Variants in CLDN10 observed in about 807,000 individuals in gnomAD.
CLDN10 encodes claudin-10.
Under a neutral mutation model 22.9 loss-of-function variants are expected in CLDN10, and 15 were observed. The ratio of observed to expected loss-of-function variants is 0.65; its 90% CI spans 0.44 to 1.01. The LOEUF (loss-of-function observed/expected upper bound fraction) is 1.01. CLDN10 is among the 50% of genes least tolerant of loss of function. The pLI, the probability that CLDN10 is intolerant of heterozygous loss-of-function variation, is 0.00. For synonymous variants in CLDN10, 114 were observed against 111.4 expected, an observed-to-expected ratio of 1.02 and a Z score of -0.15; for missense variants, 247 against 287.8, an observed-to-expected ratio of 0.86 and a Z score of 1.03.
upstream of CLDN10, among the ~76,000 whole-genome samples, chr13:95,551,446 GT>G (rs1248192419): frequency 6.6e-6 from 1 of 151,996 alleles, no homozygotes; most frequent in African/African-American, 2.4e-5. Context: ...TCCAATCTAA[GT>G]TTTGATGATT....
chr13:95,474,989 G>A (rs1410903793), intron 1 of CLDN10, among the ~76,000 whole-genome samples: 1 of 152,206 alleles, frequency 6.6e-6, no homozygotes, highest in African/African-American at 2.4e-5. Flanking sequence ...TCTTGGTGGA[G>A]AGGAGGGTTC....
At chr13:95,449,674 C>A (rs957253667) in intron 1 of CLDN10, among the ~76,000 whole-genome samples, 2 of 152,092 alleles carry the variant, frequency 1.3e-5, no homozygotes, top group African/African-American at 2.4e-5. Flanking sequence ...TCTAGGAATC[C>A]TCCTACTTTA....
intron 1 of CLDN10, among the ~76,000 whole-genome samples, chr13:95,449,765 G>A (rs2042415973): frequency 7.5e-6 from 1 of 132,976 alleles, no homozygotes; most frequent in Non-Finnish European, 1.7e-5. Flanking sequence ...TCTTTTTGAG[G>A]CAGAATCTTG....
intron 1 of CLDN10, among the ~76,000 whole-genome samples, chr13:95,534,870 G>A (rs2043383836): frequency 6.6e-6 from 1 of 152,052 alleles, no homozygotes; most frequent in African/African-American, 2.4e-5. Flanking sequence ...GGATGAATAA[G>A]AATCTGTGTT....
At chr13:95,525,078 C>T (rs912187760) in intron 1 of CLDN10, among the ~76,000 whole-genome samples, 5 of 152,124 alleles carry the variant, frequency 3.3e-5, no homozygotes, top group East Asian at 3.9e-4. Flanking sequence ...AGGCTGGTCT[C>T]GAACTCCCGA....
At position 95,567,951 on chromosome 13, in the gene CLDN10, A is replaced by C. The variant is rs190989602; in HGVS notation, c.464+7488A>C. Among the ~76,000 whole-genome samples, 102 of 152,226 alleles carry C rather than the reference A, an allele frequency of 6.7e-4. 1 individual carries two copies. Among genetic ancestry groups the C allele is most frequent in the Middle Eastern group, 3.4e-3 (1 of 294 alleles). On this transcript the variant is annotated intron_variant, in intron 3 of 4. Coordinates refer to ENST00000299339, the MANE Select transcript of CLDN10 (RefSeq NM_006984.5). ...TTGATTTGCATGTGAACAACTACCTACTTTCAGTCAAATTATCTCATTCTT... is the reference window on the plus strand; with the variant it reads ...TTGATTTGCATGTGAACAACTACCTCCTTTCAGTCAAATTATCTCATTCTT...
In CLDN10 at chr13:95,478,388, G is replaced by A. The variant is rs184183523; in HGVS notation, c.214+44341G>A. Among the ~76,000 whole-genome samples, 3 of 152,318 alleles carry A rather than the reference G, an allele frequency of 2.0e-5. No individual in the cohort carries two copies. In the East Asian group the frequency reaches 5.8e-4, roughly 29 times the overall value. On this transcript the variant is annotated intron_variant, in intron 1 of 4. Coordinates refer to the CLDN10 transcript ENST00000376873. ...AAACACTGGAGATTCAGATTTAATT[G>A]AGATAAGGCCAGGATGTAGAGCGTT...
intron 3 of CLDN10, among the ~76,000 whole-genome samples, chr13:95,563,209 GGAGAGAGAGAGAGA>G (rs71764554): frequency 6.8e-6 from 1 of 147,578 alleles, no homozygotes; most frequent in African/African-American, 2.5e-5. Context: ...AGTTAAGAGA[GGAGAGAGAGAGAGA>G]GAGAGAGAGA....
rs531953908 is a variant in CLDN10 at position 95,463,743 on chromosome 13, G to A, written c.214+29696G>A. 7.9e-5 allele frequency among the ~76,000 whole-genome samples: 12 copies of A among 152,144 alleles called. 1 individual carries two copies. The South Asian group carries it at 1.7e-3, about 21-fold the overall frequency. On this transcript the variant is annotated intron_variant, in intron 1 of 4. Coordinates refer to the CLDN10 transcript ENST00000376873. ...GGAAGTTCACTCTCTGCCTCCACAT[G>A]GACAACATCATCTCTTGGCAGTGAC...
intron 1 of CLDN10, among the ~76,000 whole-genome samples, chr13:95,465,370 C>T (rs939353869): frequency 8.5e-5 from 13 of 152,274 alleles, no homozygotes; most frequent in African/African-American, 3.1e-4. Context: ...ACAGGTGTAC[C>T]ATGCCCCGCT....
At chr13:95,485,533 C>T (rs1338363985) in intron 1 of CLDN10, among the ~76,000 whole-genome samples, 1 of 152,084 alleles carries the variant, frequency 6.6e-6, no homozygotes, top group African/African-American at 2.4e-5. Flanking sequence ...AGAATTCTAC[C>T]ATTCATCACT....
intron 3 of CLDN10, among the ~76,000 whole-genome samples, chr13:95,565,792 C>A (rs1350102771): frequency 1.4e-5 from 2 of 144,752 alleles, no homozygotes; most frequent in Non-Finnish European, 3.0e-5. Flanking sequence ...CACCCCCTGA[C>A]AGGCCCCAGT....
chr13:95,517,364 C>A (rs1414029142), intron 1 of CLDN10, among the ~76,000 whole-genome samples: 2 of 152,072 alleles, frequency 1.3e-5, no homozygotes, highest in Non-Finnish European at 2.9e-5. Flanking sequence ...GGGTAGACAC[C>A]CCCCGAACCT....
rs993081244 is a variant in CLDN10, at chr13:95,546,441, G to A, written c.215-13691G>A. ...TTTATTAAATAGTATCTATTGCATG[G>A]AATTGTTAAAAGGTACCAAGATCAG... On this transcript the variant is annotated intron_variant, in intron 1 of 4. Transcript: ENST00000376873. Among the ~76,000 whole-genome samples, 5 of 151,994 alleles carry A rather than the reference G, an allele frequency of 3.3e-5. No individual in the cohort carries two copies. The East Asian group carries it at 9.7e-4, about 29-fold the overall frequency.
intron 1 of CLDN10, among the ~76,000 whole-genome samples, chr13:95,545,160 C>T (rs749396234): frequency 1.3e-5 from 2 of 152,030 alleles, no homozygotes; most frequent in South Asian, 4.1e-4. Context: ...CAGATTTATA[C>T]ATTTTTGAAA....
intron 1 of CLDN10, among the ~76,000 whole-genome samples, chr13:95,489,278 A>G (rs1045946760): frequency 6.6e-6 from 1 of 151,492 alleles, no homozygotes; most frequent in African/African-American, 2.4e-5. Flanking sequence ...GACTCTCTAC[A>G]CTGTTTTCCA....
intron 1 of CLDN10, among the ~76,000 whole-genome samples, chr13:95,474,555 C>T (rs566236749): frequency 6.6e-6 from 1 of 152,268 alleles, no homozygotes; most frequent in East Asian, 1.9e-4. Context: ...AGGCCCACCT[C>T]AGTCAGGGAA....
chr13:95,551,075 C>A (rs899507730), upstream of CLDN10, among the ~76,000 whole-genome samples: 4 of 151,940 alleles, frequency 2.6e-5, no homozygotes, highest in African/African-American at 9.7e-5. Context: ...GTAGGGTAAC[C>A]ATGTCTGCAT....
At chr13:95,573,350 G>A (rs2043885638) in intron 3 of CLDN10, among the ~76,000 whole-genome samples, 1 of 152,178 alleles carries the variant, frequency 6.6e-6, no homozygotes, top group Admixed American at 6.5e-5. Flanking sequence ...ATATGGATTG[G>A]TCCAGTGTCA....
Sources: gnomAD v4.1 joint callset for allele counts (sites outside exome capture counted in the v4.1 genomes callset) on GRCh38, gnomAD v4.1.1 for gene constraint, MANE v1.5 for transcripts, NCBI Gene and HGNC (gene_info 2026-07-23, HGNC 2026-07-21) for gene names.